PDE11A: variants seen among roughly 807,000 people sequenced by gnomAD.
PDE11A encodes dual 3',5'-cyclic-AMP and -GMP phosphodiesterase 11A.
Under a neutral mutation model 100.5 loss-of-function variants are expected in PDE11A, and 100 were observed. That is an observed-to-expected ratio of 1.00 (90% CI 0.85 to 1.18). The LOEUF is 1.18. Among genes scored for constraint, PDE11A ranks in the 50% most tolerant of loss-of-function variants. The pLI, the probability that PDE11A is intolerant of heterozygous loss-of-function variation, is 0.00. For missense variants in PDE11A, 1,141 were observed against 1,152.6 expected (o/e 0.99, Z 0.15); for synonymous variants, 381 against 420.8 (o/e 0.91, Z 1.16).
intron 19 of PDE11A, among the ~76,000 whole-genome samples, chr2:177,641,738 C>T (rs2080147070): frequency 6.6e-6 from 1 of 152,144 alleles, no homozygotes; most frequent in Admixed American, 6.5e-5. Flanking sequence ...GAAGGAAGCC[C>T]AGACTTCCTT....
Position 177,898,208 on chromosome 2 carries a change from A to C in PDE11A, c.1162-10T>G, listed in dbSNP as rs2084640858. On this transcript the variant is annotated splice_polypyrimidine_tract_variant and intron_variant, in intron 3 of 19. Transcript: ENST00000286063. ...CCACCTCTAGCAAAGCCTAGAAAAG[A>C]TGAAATAGATGTATATAAGTGGATG... 46 of 1,589,300 alleles carry C rather than the reference A, an allele frequency of 2.9e-5. No homozygotes were observed. The highest frequency in any genetic ancestry group is 3.9e-5 in the Non-Finnish European group (45 of 1,157,436).
chr2:177,695,774 A>G (rs1193606736), intron 15 of PDE11A, among the ~76,000 whole-genome samples: 1 of 152,186 alleles, frequency 6.6e-6, no homozygotes, highest in Non-Finnish European at 1.5e-5. Flanking sequence ...CTGATTTTCT[A>G]GCAATCTCTT....
At chr2:178,002,089 C>T (rs2086151867) in intron 2 of PDE11A, among the ~76,000 whole-genome samples, 1 of 152,060 alleles carries the variant, frequency 6.6e-6, no homozygotes, top group Non-Finnish European at 1.5e-5. Context: ...CTCTAGTAGT[C>T]CCCATTGTCT....
chr2:177,956,123 AC>A (rs1308234516), intron 2 of PDE11A, among the ~76,000 whole-genome samples: 2 of 152,068 alleles, frequency 1.3e-5, no homozygotes, highest in African/African-American at 4.8e-5. Flanking sequence ...TGAACAGGCA[AC>A]CTACAGAATG....
At chr2:177,646,833 A>G (rs1278578232) in intron 19 of PDE11A, among the ~76,000 whole-genome samples, 1 of 152,224 alleles carries the variant, frequency 6.6e-6, no homozygotes, top group Admixed American at 6.5e-5. Flanking sequence ...GCCCTGGGAA[A>G]ATAAAACAAG....
intron 5 of PDE11A, among the ~76,000 whole-genome samples, chr2:177,844,950 A>T (rs1366589923): frequency 6.6e-6 from 1 of 151,730 alleles, no homozygotes; most frequent in Non-Finnish European, 1.5e-5. Context: ...TTCTACACAG[A>T]CACGGCAACC....
At chr2:177,707,490 T>G (rs2081297515) in intron 13 of PDE11A, among the ~76,000 whole-genome samples, 1 of 152,124 alleles carries the variant, frequency 6.6e-6, no homozygotes, top group South Asian at 2.1e-4. Flanking sequence ...TTTTCTGTCT[T>G]TCTCTCAGGT....
At chr2:177,979,067 T>G (rs2085843681) in intron 2 of PDE11A, among the ~76,000 whole-genome samples, 1 of 107,832 alleles carries the variant, frequency 9.3e-6, no homozygotes, top group African/African-American at 4.2e-5. Flanking sequence ...CCCTAAAACT[T>G]AGAGTATAAT....
intron 12 of PDE11A, among the ~76,000 whole-genome samples, chr2:177,726,570 G>A (rs1260555916): frequency 6.6e-6 from 1 of 151,878 alleles, no homozygotes; most frequent in Admixed American, 6.6e-5. Context: ...TGATGATTTG[G>A]GAGAAAGGGG....
At chr2:177,774,095 C>T (rs1459239973) in intron 9 of PDE11A, among the ~76,000 whole-genome samples, 1 of 152,182 alleles carries the variant, frequency 6.6e-6, no homozygotes, top group Non-Finnish European at 1.5e-5. Context: ...CCAGTAATAT[C>T]TGTACCTCTT....
At chr2:178,076,237 C>A (rs1212376115), upstream of PDE11A, among the ~76,000 whole-genome samples, 1 of 152,098 alleles carries the variant, frequency 6.6e-6, no homozygotes, top group Non-Finnish European at 1.5e-5. Context: ...GTCCAAGTAG[C>A]CTCTCATTAA....
At chr2:177,891,928 C>T (rs532096566) in intron 4 of PDE11A, among the ~76,000 whole-genome samples, 3 of 152,314 alleles carry the variant, frequency 2.0e-5, no homozygotes, top group South Asian at 4.1e-4. Flanking sequence ...GTTCCTTCCT[C>T]TCACTGGTTA....
At chr2:178,076,932 T>C (rs1009748403), upstream of PDE11A, among the ~76,000 whole-genome samples, 5 of 152,134 alleles carry the variant, frequency 3.3e-5, no homozygotes, top group African/African-American at 1.2e-4. Context: ...GGAGGCCTCT[T>C]TCCACATTGT....
Position 178,071,767 on chromosome 2 carries a change from T to C in PDE11A, c.671A>G (p.Lys224Arg). ...NDLDLTSLSY[K>R]ILIFVCLMVD... ...CATAAGGCAGACAAAGATGAGAATC[T>C]TGTAGCTCAGGCTGGTGAGGTCAAG... is the stretch of plus-strand genomic sequence containing the variant. The change falls in exon 1 of 20, where the codon AAG becomes AGG. Residue 224 changes from lysine (K) to arginine (R), a missense_variant. Lys to Arg is a conservative substitution (Grantham distance 26). Coordinates refer to ENST00000286063, the MANE Select transcript of PDE11A (RefSeq NM_016953.4). 1.2e-6 allele frequency: 2 copies of C among 1,614,004 alleles called. No individual in the cohort carries two copies. The highest frequency in any genetic ancestry group is 4.5e-5 in the East Asian group (2 of 44,874).
At chr2:178,064,888 C>T (rs934697704) in intron 1 of PDE11A, among the ~76,000 whole-genome samples, 3 of 151,504 alleles carry the variant, frequency 2.0e-5, no homozygotes, top group Non-Finnish European at 2.9e-5. Context: ...CCTGAATTTG[C>T]GACAGCCTTT....
At chr2:177,971,864 C>T (rs1053097052) in intron 2 of PDE11A, among the ~76,000 whole-genome samples, 13 of 150,288 alleles carry the variant, frequency 8.7e-5, no homozygotes, top group African/African-American at 3.2e-4. Context: ...CTAAGTAATT[C>T]AGAAAAAAAA....
chr2:177,948,646 A>G (rs1011665038), intron 2 of PDE11A, among the ~76,000 whole-genome samples: 1 of 152,196 alleles, frequency 6.6e-6, no homozygotes, highest in Non-Finnish European at 1.5e-5. Context: ...GCTTGTGCCT[A>G]TAATCTCAAC....
rs1040076661 is a variant in PDE11A, at chr2:177,990,791, G to A, written c.1071+23511C>T. ...GAGGGTAGCGTGGTGGCTCATGCCT[G>A]TAATCCTAGCACTTTGGGAGGTGGA... On this transcript the variant is annotated intron_variant, in intron 2 of 19. Coordinates refer to ENST00000286063, the MANE Select transcript of PDE11A (RefSeq NM_016953.4). Among the ~76,000 whole-genome samples, 23 of 143,994 alleles carry A rather than the reference G, an allele frequency of 1.6e-4. 1 individual carries two copies. Among genetic ancestry groups the A allele is most frequent in the Non-Finnish European group, 3.1e-5 (2 of 65,324 alleles). 94.5% of individuals were successfully genotyped at this position (143,994 alleles called of 152,430 possible).
At chr2:178,029,628 A>C (rs2086520018) in intron 1 of PDE11A, among the ~76,000 whole-genome samples, 1 of 152,148 alleles carries the variant, frequency 6.6e-6, no homozygotes, top group Non-Finnish European at 1.5e-5. Flanking sequence ...AAATTCAAGA[A>C]AATGGAAAAA....
Sources: allele counts gnomAD v4.1 joint callset (sites outside exome capture counted in the v4.1 genomes callset), GRCh38; gene constraint gnomAD v4.1.1; transcripts MANE v1.5; gene names NCBI Gene and HGNC (gene_info 2026-07-23, HGNC 2026-07-21).